The following SLC14A2 variants were observed in gnomAD, a reference collection of about 807,000 sequenced individuals.
The protein encoded by SLC14A2 is solute carrier family 14 member 2, also known as urea transporter 2.
In SLC14A2, 91 loss-of-function variants were observed where a neutral mutation model predicts 104.6. That is an observed-to-expected ratio of 0.87 (90% CI 0.73 to 1.04). The LOEUF (loss-of-function observed/expected upper bound fraction) is 1.04. SLC14A2 is among the 50% of genes least tolerant of loss of function. The pLI is 0.00. For synonymous variants in SLC14A2, 476 were observed against 466.4 expected, an observed-to-expected ratio of 1.02 and a Z score of -0.27; for missense variants, 1,189 against 1,156.0, an observed-to-expected ratio of 1.03 and a Z score of -0.41.
chr18:45,338,984 T>C (rs574227422), intron 1 of SLC14A2, among the ~76,000 whole-genome samples: 3 of 152,172 alleles, frequency 2.0e-5, no homozygotes, highest in Admixed American at 2.0e-4. Flanking sequence ...TCACCTAGGC[T>C]GGAGTGCAGT....
At chr18:45,460,598 G>A (rs1221970229) in intron 1 of SLC14A2, among the ~76,000 whole-genome samples, 1 of 152,166 alleles carries the variant, frequency 6.6e-6, no homozygotes, top group East Asian at 1.9e-4. Flanking sequence ...CAAATGCTAC[G>A]TGCTAAATAA....
intron 1 of SLC14A2, among the ~76,000 whole-genome samples, chr18:45,226,192 G>T (rs1458939603): frequency 1.3e-5 from 2 of 152,202 alleles, no homozygotes; most frequent in African/African-American, 4.8e-5. Context: ...AGGATGTGGA[G>T]AAATAGGAAC....
chr18:45,537,489 T>C (rs1216275720), intron 2 of SLC14A2, among the ~76,000 whole-genome samples: 2 of 152,084 alleles, frequency 1.3e-5, no homozygotes, highest in East Asian at 3.9e-4. Context: ...AAAGTGGCAG[T>C]GTGCTGGCAG....
At chr18:45,172,032 T>G in the SLC14A2 span, among the ~76,000 whole-genome samples, 3 of 152,190 alleles carry the variant, frequency 2.0e-5, no homozygotes, top group African/African-American at 7.2e-5. Context: ...CACAGATTTG[T>G]GCCAGAAAAT....
At chr18:45,618,900 G>A (rs929181006) in intron 1 of SLC14A2, among the ~76,000 whole-genome samples, 9 of 152,092 alleles carry the variant, frequency 5.9e-5, no homozygotes, top group Admixed American at 1.3e-4. Context: ...CCTCTTCACT[G>A]GGCATGGGCG....
chr18:45,245,805 T>C (rs1487195107), intron 1 of SLC14A2, among the ~76,000 whole-genome samples: 1 of 152,254 alleles, frequency 6.6e-6, no homozygotes, highest in Non-Finnish European at 1.5e-5. Context: ...TATTCATTCA[T>C]TTTTGTATTC....
intron 1 of SLC14A2, among the ~76,000 whole-genome samples, chr18:45,411,009 C>G (rs2086209273): frequency 1.3e-5 from 2 of 152,312 alleles, no homozygotes; most frequent in Non-Finnish European, 2.9e-5. Context: ...TAACTACACT[C>G]TTATACTTTA....
At chr18:45,267,580 T>A (rs1247702087) in intron 1 of SLC14A2, among the ~76,000 whole-genome samples, 4 of 152,204 alleles carry the variant, frequency 2.6e-5, no homozygotes, top group Non-Finnish European at 5.9e-5. Flanking sequence ...GTCTACTATG[T>A]GCCAGTGCCA....
intron 1 of SLC14A2, among the ~76,000 whole-genome samples, chr18:45,364,199 G>A (rs970293985): frequency 6.6e-6 from 1 of 152,126 alleles, no homozygotes; most frequent in Admixed American, 6.5e-5. Context: ...TGCTCTAGAT[G>A]GCTGCTTGCA....
intron 1 of SLC14A2, among the ~76,000 whole-genome samples, chr18:45,430,899 C>T (rs1255187019): frequency 6.6e-6 from 1 of 152,136 alleles, no homozygotes; most frequent in Non-Finnish European, 1.5e-5. Flanking sequence ...CTGGAATGGA[C>T]ACCCAGGGAG....
intron 1 of SLC14A2, among the ~76,000 whole-genome samples, chr18:45,264,005 A>C (rs2084566286): frequency 1.3e-5 from 2 of 152,176 alleles, no homozygotes; most frequent in African/African-American, 4.8e-5. Flanking sequence ...GACAGAGCTT[A>C]AAATATATAC....
chr18:45,474,747 G>A lies in SLC14A2; in HGVS notation c.-124-8486G>A, dbSNP rs566801858. 2.6e-5 allele frequency among the ~76,000 whole-genome samples: 4 copies of A among 152,118 alleles called. No homozygotes were observed. The South Asian group carries it at 6.2e-4, about 24-fold the overall frequency. ...TATCTCCTTTATCATTTTTTATTGT[G>A]TCTATTTGATTCTTCTCTCTTTTCT... On this transcript the variant is annotated intron_variant, in intron 1 of 20. Coordinates refer to the SLC14A2 transcript ENST00000586448.
chr18:45,682,184 A>G lies in SLC14A2; in HGVS notation c.2563-135A>G, dbSNP rs976075969. 6.6e-6 allele frequency: 5 copies of G among 756,642 alleles called. No homozygotes were observed. The African/African-American group carries it at 8.6e-5, about 13-fold the overall frequency. 46.9% of individuals were successfully genotyped at this position (756,642 alleles called of 1,614,324 possible). ...ATAGCACTGGCATGATTTTATTTAT[A>G]TTGGTCATCAATGAAGTATCAATGC... On this transcript the variant is annotated intron_variant, in intron 19 of 19. Coordinates refer to ENST00000255226, the MANE Select transcript of SLC14A2 (RefSeq NM_007163.4).
chr18:45,602,136 T>C (rs1433651399), intron 2 of SLC14A2, among the ~76,000 whole-genome samples: 2 of 152,206 alleles, frequency 1.3e-5, no homozygotes, highest in African/African-American at 4.8e-5. Context: ...TCATAAAATA[T>C]CAAAAGGCCA....
intron 1 of SLC14A2, among the ~76,000 whole-genome samples, chr18:45,265,522 G>T (rs182773692): frequency 2.6e-4 from 40 of 152,170 alleles, no homozygotes; most frequent in African/African-American, 8.7e-4. Context: ...CTTTGTGTCT[G>T]CCCACCCTTT....
intron 16 of SLC14A2, among the ~76,000 whole-genome samples, chr18:45,670,093 A>C (rs1403861293): frequency 6.6e-6 from 1 of 152,154 alleles, no homozygotes; most frequent in Non-Finnish European, 1.5e-5. Context: ...GTGTCACTGC[A>C]CTCCATGAGA....
At chr18:45,289,127 G>T (rs111528082) in intron 1 of SLC14A2, among the ~76,000 whole-genome samples, 9 of 152,344 alleles carry the variant, frequency 5.9e-5, no homozygotes, top group African/African-American at 2.2e-4. Flanking sequence ...AAAGGTGGAC[G>T]AGTGCTGGCA....
chr18:45,239,180 T>G (rs1382523898), intron 1 of SLC14A2, among the ~76,000 whole-genome samples: 1 of 152,122 alleles, frequency 6.6e-6, no homozygotes, highest in African/African-American at 2.4e-5. Context: ...TCCACTCACC[T>G]AAGGAGGAAA....
chr18:45,586,370 G>A (rs2044567475), intron 2 of SLC14A2, among the ~76,000 whole-genome samples: 1 of 152,176 alleles, frequency 6.6e-6, no homozygotes, highest in Non-Finnish European at 1.5e-5. Flanking sequence ...GAGAGGAGAG[G>A]AAGTGGGAGA....
Sources: gnomAD v4.1 joint callset for allele counts (sites outside exome capture counted in the v4.1 genomes callset) on GRCh38, gnomAD v4.1.1 for gene constraint, MANE v1.5 for transcripts, NCBI Gene and HGNC (gene_info 2026-07-23, HGNC 2026-07-21) for gene names.